MBNL1: variants seen among roughly 807,000 people sequenced by gnomAD.
MBNL1 encodes muscleblind like splicing regulator 1.
A neutral mutation model predicts 42.2 loss-of-function variants in MBNL1; 8 were observed. The ratio of observed to expected loss-of-function variants is 0.19; its 90% CI spans 0.11 to 0.34. The LOEUF is 0.34. Ranked by LOEUF, MBNL1 falls within the 10% of genes least tolerant of loss-of-function variation. The probability of loss-of-function intolerance (pLI) is 1.00; values close to 1 mark genes in which losing one functional copy is unlikely to be tolerated. For synonymous variants in MBNL1, 169 were observed against 173.9 expected, an observed-to-expected ratio of 0.97 and a Z score of 0.22; for missense variants, 309 against 495.3, an observed-to-expected ratio of 0.62 and a Z score of 3.57.
At chr3:152,342,090 A>G (rs2093364525) in intron 2 of MBNL1, among the ~76,000 whole-genome samples, 1 of 152,202 alleles carries the variant, frequency 6.6e-6, no homozygotes, top group African/African-American at 2.4e-5. Context: ...TACCAAGAGA[A>G]ACTTGGCCTC....
At chr3:152,335,493 CAT>C (rs2089241397) in intron 2 of MBNL1, among the ~76,000 whole-genome samples, 1 of 152,140 alleles carries the variant, frequency 6.6e-6, no homozygotes, top group Non-Finnish European at 1.5e-5. Flanking sequence ...GTAGATGGAG[CAT>C]AGTTTTCCAT....
At chr3:152,364,316 T>A (rs1392232582) in intron 2 of MBNL1, among the ~76,000 whole-genome samples, 1 of 152,132 alleles carries the variant, frequency 6.6e-6, no homozygotes, top group African/African-American at 2.4e-5. Context: ...AATAACTTTG[T>A]GTTTTTGTTA....
At chr3:152,322,832 T>C (rs909993226) in intron 2 of MBNL1, among the ~76,000 whole-genome samples, 1 of 152,112 alleles carries the variant, frequency 6.6e-6, no homozygotes, top group Non-Finnish European at 1.5e-5. Flanking sequence ...GAAAGCAACA[T>C]GTATAGACTC....
At chr3:152,435,128 G>A (rs143345255) in intron 4 of MBNL1, among the ~76,000 whole-genome samples, 149 of 152,052 alleles carry the variant, frequency 9.8e-4, no homozygotes, top group African/African-American at 2.9e-3. Flanking sequence ...CCTATGTCAA[G>A]AATGGTATTT....
chr3:152,331,465 C>T (rs564347495), intron 2 of MBNL1, among the ~76,000 whole-genome samples: 15 of 152,214 alleles, frequency 9.9e-5, no homozygotes, highest in African/African-American at 3.6e-4. Context: ...ATTCAGATGA[C>T]TTAGTATTAA....
At chr3:152,314,747 A>G (rs1319152234) in intron 2 of MBNL1, among the ~76,000 whole-genome samples, 1 of 152,164 alleles carries the variant, frequency 6.6e-6, no homozygotes, top group Non-Finnish European at 1.5e-5. Context: ...GAAATAGGAG[A>G]GCATGTACTT....
At chr3:152,449,205 AAAT>A (rs1381293849) in intron 6 of MBNL1, 1 of 152,226 alleles carries the variant, frequency 6.6e-6, no homozygotes, top group Non-Finnish European at 1.5e-5. Context: ...CTCTTTGAAG[AAAT>A]TAAAACTTAT....
At chr3:152,249,036 G>A (rs531851820) in intron 2 of MBNL1, among the ~76,000 whole-genome samples, 1 of 150,738 alleles carries the variant, frequency 6.6e-6, no homozygotes, top group African/African-American at 2.5e-5. Flanking sequence ...ATTTGGGTTG[G>A]TTCTAAGTTT....
intron 1 of MBNL1, among the ~76,000 whole-genome samples, chr3:152,287,705 C>A (rs2053393329): frequency 1.3e-5 from 2 of 152,080 alleles, no homozygotes; most frequent in South Asian, 4.1e-4. Flanking sequence ...AAACAATTTG[C>A]AGTTATTTCA....
chr3:152,309,399 T>A (rs770941138), intron 2 of MBNL1, among the ~76,000 whole-genome samples: 9 of 152,198 alleles, frequency 5.9e-5, no homozygotes, highest in Non-Finnish European at 1.0e-4. Context: ...TAATATGAGG[T>A]TGAGATCCAA....
intron 1 of MBNL1, among the ~76,000 whole-genome samples, chr3:152,271,322 G>C (rs991357850): frequency 2.0e-5 from 3 of 149,974 alleles, no homozygotes; most frequent in African/African-American, 7.3e-5. Context: ...TCTCCTGGGG[G>C]AAAAAAAAAG....
At chr3:152,382,665 T>G (rs1403774936) in intron 2 of MBNL1, among the ~76,000 whole-genome samples, 1 of 152,134 alleles carries the variant, frequency 6.6e-6, no homozygotes. Flanking sequence ...TGAAGATATT[T>G]GTCCTCAGTG....
chr3:152,346,486 GAATT>G (rs1195582193), intron 2 of MBNL1, among the ~76,000 whole-genome samples: 4 of 151,810 alleles, frequency 2.6e-5, no homozygotes, highest in African/African-American at 9.7e-5. Flanking sequence ...TATTTTATGA[GAATT>G]AAGTTATTAT....
intron 2 of MBNL1, among the ~76,000 whole-genome samples, chr3:152,353,480 T>A (rs1161341012): frequency 2.0e-5 from 3 of 152,188 alleles, no homozygotes; most frequent in Non-Finnish European, 2.9e-5. Flanking sequence ...CTAGGTGATT[T>A]GTCTCCTTTT....
chr3:152,312,191 C>CAAAAA (rs34750394), intron 2 of MBNL1, among the ~76,000 whole-genome samples: 3 of 47,480 alleles, frequency 6.3e-5, no homozygotes, highest in African/African-American at 2.5e-4. Flanking sequence ...GACTCCGTCT[C>CAAAAA]AAAAAAAAAA....
chr3:152,415,783 T>G (rs904618121), intron 3 of MBNL1, among the ~76,000 whole-genome samples: 4 of 152,206 alleles, frequency 2.6e-5, no homozygotes, highest in Non-Finnish European at 5.9e-5. Flanking sequence ...TGTGGGTGAC[T>G]CTTGCTTTGA....
intron 2 of MBNL1, among the ~76,000 whole-genome samples, chr3:152,253,793 A>G (rs980972098): frequency 2.0e-5 from 3 of 152,076 alleles, no homozygotes; most frequent in Non-Finnish European, 2.9e-5. Flanking sequence ...CTTCTCAAAC[A>G]TATCTCCTAA....
At chr3:152,307,441 AT>A (rs941150334) in intron 2 of MBNL1, among the ~76,000 whole-genome samples, 1 of 152,054 alleles carries the variant, frequency 6.6e-6, no homozygotes, top group African/African-American at 2.4e-5. Context: ...ACACTTTCTT[AT>A]TTTTTCCGTA....
At chr3:152,309,710 TC>T (rs2065273749) in intron 2 of MBNL1, among the ~76,000 whole-genome samples, 2 of 152,226 alleles carry the variant, frequency 1.3e-5, no homozygotes, top group Non-Finnish European at 2.9e-5. Flanking sequence ...ATAAATTACA[TC>T]TGTAATTCCT....
Sources: gnomAD v4.1 joint callset for allele counts (sites outside exome capture counted in the v4.1 genomes callset) on GRCh38, gnomAD v4.1.1 for gene constraint, MANE v1.5 for transcripts, NCBI Gene and HGNC (gene_info 2026-07-23, HGNC 2026-07-21) for gene names.